Variants in MAP4K5 observed in about 807,000 individuals in gnomAD.
MAP4K5 encodes the protein MAPK/ERK kinase kinase kinase 5.
MAP4K5 carries 82 observed loss-of-function variants against 135.6 expected under a neutral mutation model. That is an observed-to-expected ratio of 0.60 (90% CI 0.51 to 0.73). MAP4K5 has a LOEUF of 0.73. MAP4K5 is among the 30% of genes least tolerant of loss of function. The pLI is 0.00. For synonymous variants in MAP4K5, 347 were observed against 335.0 expected (o/e 1.04, Z -0.39); for missense variants, 907 against 1,010.9 (o/e 0.90, Z 1.39).
At chr14:50,544,232 T>G (rs1423761540) in intron 1 of MAP4K5, among the ~76,000 whole-genome samples, 1 of 152,222 alleles carries the variant, frequency 6.6e-6, no homozygotes, top group African/African-American at 2.4e-5. Flanking sequence ...AGATGAGGTA[T>G]GAGTTAAGGG....
intron 14 of MAP4K5, among the ~76,000 whole-genome samples, chr14:50,452,266 T>A (rs781621021): frequency 1.9e-4 from 29 of 152,286 alleles, no homozygotes; most frequent in Admixed American, 1.9e-3. Context: ...TCTATTGCCT[T>A]TATCACTCTT....
At chr14:50,534,661 A>G (rs150862753), upstream of MAP4K5, among the ~76,000 whole-genome samples, 188 of 152,376 alleles carry the variant, frequency 1.2e-3, 1 homozygote, top group Non-Finnish European at 2.3e-3. Context: ...GATAGCATGG[A>G]AAAAGTCAAG....
chr14:50,529,077 G>A (rs974122907), intron 2 of MAP4K5, among the ~76,000 whole-genome samples: 1 of 152,116 alleles, frequency 6.6e-6, no homozygotes, highest in African/African-American at 2.4e-5. Context: ...TACACACGCA[G>A]GGTATCATTA....
chr14:50,477,611 T>C (rs1456259796), intron 6 of MAP4K5, among the ~76,000 whole-genome samples: 1 of 152,212 alleles, frequency 6.6e-6, no homozygotes, highest in Non-Finnish European at 1.5e-5. Flanking sequence ...TCATAGGTTT[T>C]TCACAGGTAC....
chr14:50,534,111 A>G (rs1484412237), upstream of MAP4K5, among the ~76,000 whole-genome samples: 1 of 152,210 alleles, frequency 6.6e-6, no homozygotes, highest in Non-Finnish European at 1.5e-5. Context: ...TTACTGTCAT[A>G]GATTCATTTG....
Position 50,442,749 on chromosome 14 carries a change from A to G in MAP4K5, c.1547T>C (p.Ile516Thr). Reference protein sequence around the residue: ...PLKINCATSWIHPDTKDQYII... With the variant: ...PLKINCATSWTHPDTKDQYII... ...CATTTTACCTTTTGTATCAGGATGT[A>G]TCCAGGATGTTGCACAATTAATTTT... Residue 516 changes from isoleucine (I) to threonine (T), a missense_variant, in exon 21 of 33, where the codon ATA becomes ACA. Around this residue, in one of 3 missense-constraint regions of MAP4K5, gnomAD observed 690 missense variants for 777.4 expected, o/e 0.89. Coordinates refer to ENST00000682126, the MANE Select transcript of MAP4K5 (RefSeq NM_006575.6). The G allele has an allele frequency of 1.3e-6, 2 of 1,598,758 alleles. No homozygotes were observed. Among genetic ancestry groups the G allele is most frequent in the Non-Finnish European group, 1.7e-6 (2 of 1,172,368 alleles).
chr14:50,475,125 A>G lies in MAP4K5; in HGVS notation c.494T>C (p.Ile165Thr), dbSNP rs2037066172. Residue 165 changes from isoleucine to threonine, a missense_variant, in exon 9 of 33, where the codon ATA becomes ACA. Physicochemically the swap from Ile to Thr is moderately conservative, Grantham distance 89. Around this residue, in one of 3 missense-constraint regions of MAP4K5, gnomAD observed 21 missense variants for 44.2 expected, o/e 0.47. Coordinates refer to ENST00000682126, the MANE Select transcript of MAP4K5 (RefSeq NM_006575.6). ...KLADFGVAAKITATIAKRKSF... is the reference protein window; with the variant it reads ...KLADFGVAAKTTATIAKRKSF... ...TTTTCGTTTTGCAATGGTAGCTGTT[A>G]TTTTTGCAGCCACACCAAAGTCAGC... 1 of 1,613,768 alleles carries G rather than the reference A, an allele frequency of 6.2e-7. No homozygotes were observed. Among genetic ancestry groups the G allele is most frequent in the Non-Finnish European group, 8.5e-7 (1 of 1,179,822 alleles).
Position 50,446,068 on chromosome 14 carries a change from A to T in MAP4K5, c.1185+11T>A. 5 of 1,524,918 alleles carry T rather than the reference A, an allele frequency of 3.3e-6. No individual in the cohort carries two copies. The highest frequency in any genetic ancestry group is 4.4e-6 in the Non-Finnish European group (5 of 1,135,196). 94.5% of individuals were successfully genotyped at this position (1,524,918 alleles called of 1,614,324 possible). On this transcript the variant is annotated intron_variant, in intron 17 of 32. Transcript: ENST00000682126. Reference sequence around the variant, plus strand: ...TAAGGATTTAGTGTTCAAAATCATTAAGTAGCTCACCTTAGGAGGTAGGGG... The same window carrying T: ...TAAGGATTTAGTGTTCAAAATCATTTAGTAGCTCACCTTAGGAGGTAGGGG...
intron 1 of MAP4K5, among the ~76,000 whole-genome samples, chr14:50,546,982 C>T (rs2038640921): frequency 6.6e-6 from 1 of 152,074 alleles, no homozygotes; most frequent in Non-Finnish European, 1.5e-5. Context: ...TGCTATCCCT[C>T]CCCTAGCCCC....
intron 3 of MAP4K5, among the ~76,000 whole-genome samples, chr14:50,490,105 CAGAG>C (rs369706298): frequency 1.4e-4 from 17 of 125,262 alleles, no homozygotes; most frequent in African/African-American, 3.1e-4. Flanking sequence ...GAGAGACAGA[CAGAG>C]AGAGACAGAG....
chr14:50,479,729 A>C (rs1210797549), intron 6 of MAP4K5, among the ~76,000 whole-genome samples: 2 of 152,166 alleles, frequency 1.3e-5, no homozygotes, highest in East Asian at 3.8e-4. Context: ...CTTTGAGTAG[A>C]TGCCCAACAT....
At chr14:50,447,906 T>G (rs2036392865) in intron 15 of MAP4K5, among the ~76,000 whole-genome samples, 1 of 152,052 alleles carries the variant, frequency 6.6e-6, no homozygotes, top group Non-Finnish European at 1.5e-5. Flanking sequence ...CAGCAACATA[T>G]TTACAGTAAG....
At chr14:50,518,367 C>G (rs1384429714) in intron 2 of MAP4K5, among the ~76,000 whole-genome samples, 1 of 152,048 alleles carries the variant, frequency 6.6e-6, no homozygotes, top group Non-Finnish European at 1.5e-5. Flanking sequence ...CTGCACCTAT[C>G]GACCTGTCCT....
chr14:50,500,060 G>A (rs1016993597), intron 3 of MAP4K5, among the ~76,000 whole-genome samples: 8 of 152,120 alleles, frequency 5.3e-5, no homozygotes, highest in Admixed American at 6.6e-5. Context: ...TAGTCAAATC[G>A]TCATTCTCAT....
At chr14:50,520,312 A>G (rs1372074014) in intron 2 of MAP4K5, among the ~76,000 whole-genome samples, 1 of 152,206 alleles carries the variant, frequency 6.6e-6, no homozygotes, top group Non-Finnish European at 1.5e-5. Context: ...CAGCCTGGGC[A>G]ACATGGTGAA....
At chr14:50,482,560 C>T (rs891726691) in intron 5 of MAP4K5, 144 bp from the exon 6 acceptor site, 39 of 543,218 alleles carry the variant, frequency 7.2e-5, no homozygotes, top group Middle Eastern at 5.2e-4. Flanking sequence ...AGGCGGATCA[C>T]GAGGTCAAGA....
upstream of MAP4K5, among the ~76,000 whole-genome samples, chr14:50,535,275 T>C (rs1023239647): frequency 7.2e-5 from 11 of 152,226 alleles, no homozygotes; most frequent in East Asian, 1.9e-4. Flanking sequence ...TAAAAAAGAA[T>C]TGGGAGACAT....
At chr14:50,426,953 T>C (rs2035860564) in intron 30 of MAP4K5, among the ~76,000 whole-genome samples, 1 of 152,214 alleles carries the variant, frequency 6.6e-6, no homozygotes, top group Non-Finnish European at 1.5e-5. Context: ...AAAAAGTTAA[T>C]GTAAGAATGT....
chr14:50,510,368 G>C lies in MAP4K5; in HGVS notation c.109-5511C>G, dbSNP rs112428590. Among the ~76,000 whole-genome samples, 426 of 152,236 alleles carry C rather than the reference G, an allele frequency of 2.8e-3. 2 individuals carry two copies. Among genetic ancestry groups the C allele is most frequent in the African/African-American group, 9.4e-3 (389 of 41,528 alleles). On this transcript the variant is annotated intron_variant, in intron 2 of 32. Transcript: ENST00000682126. The stretch of plus-strand genomic sequence containing the variant: ...CTCCCCGTTTGGCCTGGTTAACTCA[G>C]ACTCGTCCTTCAGAATTCAGTTTAG...
Sources: gnomAD v4.1 joint callset for allele counts (sites outside exome capture counted in the v4.1 genomes callset) on GRCh38, gnomAD v4.1.1 for gene constraint, gnomAD v4.1.1 regional missense constraint, MANE v1.5 for transcripts, NCBI Gene and HGNC (gene_info 2026-07-23, HGNC 2026-07-21) for gene names.